NDUFV2: variants seen among roughly 807,000 people sequenced by gnomAD.
The protein encoded by NDUFV2 is NADH:ubiquinone oxidoreductase core subunit V2, also known as NADH dehydrogenase [ubiquinone] flavoprotein 2, mitochondrial.
In NDUFV2, 18 loss-of-function variants were observed where a neutral mutation model predicts 31.6. The ratio of observed to expected loss-of-function variants is 0.57; its 90% CI spans 0.39 to 0.84. The LOEUF (loss-of-function observed/expected upper bound fraction) is 0.84. Among genes scored for constraint, NDUFV2 ranks in the 40% least tolerant of loss-of-function variants. The pLI is 0.00. For synonymous variants in NDUFV2, 83 were observed against 99.8 expected (o/e 0.83, Z 1.01); for missense variants, 314 against 303.6 (o/e 1.03, Z -0.26).
At chr18:9,125,539 C>G (rs36125741) in intron 6 of NDUFV2, among the ~76,000 whole-genome samples, 16,404 of 150,702 alleles carry the variant, frequency 0.11, 1,033 homozygotes, top group African/African-American at 0.16. Flanking sequence ...TTGAGCGTTT[C>G]TGTTTTTTTT....
intron 1 of NDUFV2, chr18:9,104,848 C>G: frequency 7.6e-7 from 1 of 1,316,270 alleles, no homozygotes; most frequent in Admixed American, 2.6e-5. Flanking sequence ...AATACTGAGA[C>G]TAGCAAGTAG....
rs145438134 is a variant in NDUFV2, at chr18:9,133,945, GA to G, written c.657-239del. 0.01 allele frequency among the ~76,000 whole-genome samples: 1,596 copies of G among 152,218 alleles called. 34 individuals carry two copies. The highest frequency in any genetic ancestry group is 0.037 in the African/African-American group (1,531 of 41,530). On this transcript the variant is annotated intron_variant, in intron 7 of 7. Transcript: ENST00000318388. ...TGTATGCATACTGCTCAGTAAATAGGAACTATTATTAGGGCTACTTTTGTAT... is the reference window on the plus strand; with the variant it reads ...TGTATGCATACTGCTCAGTAAATAGGACTATTATTAGGGCTACTTTTGTAT...
At chr18:9,130,504 A>G (rs899201414) in intron 7 of NDUFV2, among the ~76,000 whole-genome samples, 1 of 152,200 alleles carries the variant, frequency 6.6e-6, no homozygotes, top group Non-Finnish European at 1.5e-5. Flanking sequence ...GCATCCACCA[A>G]TGCTGTATTA....
intron 7 of NDUFV2, among the ~76,000 whole-genome samples, chr18:9,130,717 TATCTC>T (rs2078032850): frequency 1.3e-5 from 2 of 152,180 alleles, no homozygotes; most frequent in Admixed American, 1.3e-4. Context: ...TAATAATAAA[TATCTC>T]TGCTCTTTGA....
chr18:9,107,250 A>G (rs752505213), intron 1 of NDUFV2, among the ~76,000 whole-genome samples: 15 of 152,216 alleles, frequency 9.9e-5, no homozygotes, highest in Non-Finnish European at 1.0e-4. Context: ...CTCAGTTTCC[A>G]TTTCAAAGTA....
At chr18:9,108,622 A>G (rs888065130) in intron 1 of NDUFV2, among the ~76,000 whole-genome samples, 2 of 152,114 alleles carry the variant, frequency 1.3e-5, no homozygotes, top group Non-Finnish European at 2.9e-5. Context: ...AATAGATTTC[A>G]CAATTATTAA....
intron 4 of NDUFV2, 49 bp from the exon 5 acceptor site, chr18:9,122,464 C>T (rs1568192854): frequency 6.9e-7 from 1 of 1,440,940 alleles, no homozygotes; most frequent in Non-Finnish European, 9.8e-7. Context: ...ATTAAAGCTC[C>T]ATTACTAACA....
At chr18:9,114,376 T>A (rs887435867) in intron 1 of NDUFV2, among the ~76,000 whole-genome samples, 1 of 151,518 alleles carries the variant, frequency 6.6e-6, no homozygotes, top group Non-Finnish European at 1.5e-5. Context: ...ACAGTAACTC[T>A]TTGATAAAGT....
At chr18:9,108,062 C>A (rs1165307001) in intron 1 of NDUFV2, among the ~76,000 whole-genome samples, 1 of 152,094 alleles carries the variant, frequency 6.6e-6, no homozygotes, top group East Asian at 1.9e-4. Flanking sequence ...TTGCTTATAT[C>A]CATGTGGGAT....
intron 1 of NDUFV2, among the ~76,000 whole-genome samples, chr18:9,113,712 A>G (rs1304548469): frequency 6.6e-6 from 1 of 152,250 alleles, no homozygotes; most frequent in Non-Finnish European, 1.5e-5. Flanking sequence ...CAGACATTGT[A>G]TAGAAAAGCA....
At chr18:9,116,795 T>C (rs560944647) in intron 1 of NDUFV2, among the ~76,000 whole-genome samples, 1 of 152,330 alleles carries the variant, frequency 6.6e-6, no homozygotes, top group South Asian at 2.1e-4. Flanking sequence ...TCCAACTCTT[T>C]GCTAGTTCCA....
In NDUFV2 at chr18:9,117,934, A is replaced by C. The variant is rs889752500; in HGVS notation, c.120+31A>C. The C allele has an allele frequency of 2.7e-6, 4 of 1,470,082 alleles. No homozygotes were observed. In the African/African-American group the frequency reaches 5.5e-5, roughly 20 times the overall value. 91.1% of individuals were successfully genotyped at this position (1,470,082 alleles called of 1,614,324 possible). A position where few individuals can be genotyped will look rare whatever the true frequency, so the allele number is the denominator to read the frequency against. On this transcript the variant is annotated intron_variant, in intron 2 of 7. Transcript: ENST00000318388. ...TAATTACTTAGATTTCTTTGGAAAG[A>C]AAAGACTTGGAAATTGGGGTAAATC...
At chr18:9,113,943 C>A (rs2077884414) in intron 1 of NDUFV2, among the ~76,000 whole-genome samples, 1 of 152,150 alleles carries the variant, frequency 6.6e-6, no homozygotes, top group African/African-American at 2.4e-5. Flanking sequence ...GTGGCTTGTC[C>A]TGCTACAATG....
chr18:9,118,745 T>C (rs1010294491), intron 2 of NDUFV2, among the ~76,000 whole-genome samples: 1 of 151,962 alleles, frequency 6.6e-6, no homozygotes, highest in Non-Finnish European at 1.5e-5. Context: ...GGCCTGCTTC[T>C]GCTCTTTTAA....
chr18:9,112,437 T>C (rs1598343106), intron 1 of NDUFV2: 1 of 152,118 alleles, frequency 6.6e-6, no homozygotes, highest in East Asian at 1.9e-4. Context: ...TCTGAAATAG[T>C]GGTGATAGTA....
At chr18:9,110,079 T>C (rs2077862350) in intron 1 of NDUFV2, among the ~76,000 whole-genome samples, 1 of 151,882 alleles carries the variant, frequency 6.6e-6, no homozygotes, top group Non-Finnish European at 1.5e-5. Flanking sequence ...TTTCAGAGTC[T>C]AATGAGAAGC....
chr18:9,111,585 C>G (rs535542534), intron 1 of NDUFV2, among the ~76,000 whole-genome samples: 2 of 151,792 alleles, frequency 1.3e-5, no homozygotes, highest in African/African-American at 2.4e-5. Context: ...CGTGCCACCA[C>G]GCCCAGCTAA....
intron 6 of NDUFV2, 37 bp downstream of exon 6, chr18:9,125,020 A>G (rs1229253410): frequency 6.3e-7 from 1 of 1,591,994 alleles, no homozygotes; most frequent in South Asian, 1.1e-5. Flanking sequence ...AAGTTGTATG[A>G]TGTCATATTT....
At chr18:9,132,648 A>C (rs542043515) in intron 7 of NDUFV2, among the ~76,000 whole-genome samples, 4 of 152,238 alleles carry the variant, frequency 2.6e-5, no homozygotes, top group African/African-American at 9.6e-5. Context: ...GTTGAGGCGG[A>C]CAGATTGTTT....
Sources: allele counts gnomAD v4.1 joint callset (sites outside exome capture counted in the v4.1 genomes callset), GRCh38; gene constraint gnomAD v4.1.1; transcripts MANE v1.5; gene names NCBI Gene and HGNC (gene_info 2026-07-23, HGNC 2026-07-21).